RARB: variants seen among roughly 807,000 people sequenced by gnomAD.
RARB encodes HBV-activated protein.
RARB carries 17 observed loss-of-function variants against 51.9 expected under a neutral mutation model. The ratio of observed to expected loss-of-function variants is 0.33; its 90% CI spans 0.22 to 0.49. RARB has a LOEUF of 0.49. Among genes scored for constraint, RARB ranks in the 20% least tolerant of loss-of-function variants. The pLI, the probability that RARB is intolerant of heterozygous loss-of-function variation, is 0.99. For missense variants in RARB, 369 were observed against 550.8 expected, an observed-to-expected ratio of 0.67 and a Z score of 3.30; for synonymous variants, 215 against 195.4, an observed-to-expected ratio of 1.10 and a Z score of -0.84.
At chr3:25,105,171 T>G (rs1334642623) in intron 3 of RARB, among the ~76,000 whole-genome samples, 1 of 152,108 alleles carries the variant, frequency 6.6e-6, no homozygotes, top group Admixed American at 6.5e-5. Context: ...CAGTTTTTAC[T>G]TTTGCTCCCC....
At chr3:25,043,672 A>C (rs142773970) in intron 2 of RARB, among the ~76,000 whole-genome samples, 11 of 152,332 alleles carry the variant, frequency 7.2e-5, no homozygotes, top group African/African-American at 2.6e-4. Context: ...AATTATATCA[A>C]GATGATTTTT....
intron 4 of RARB, among the ~76,000 whole-genome samples, chr3:25,137,742 C>T (rs925085479): frequency 1.3e-5 from 2 of 152,020 alleles, no homozygotes; most frequent in Non-Finnish European, 2.9e-5. Flanking sequence ...GATGAGAAGC[C>T]ATATACTTAC....
At chr3:25,194,168 C>T (rs1470763461) in intron 5 of RARB, among the ~76,000 whole-genome samples, 1 of 151,746 alleles carries the variant, frequency 6.6e-6, no homozygotes, top group Non-Finnish European at 1.5e-5. Context: ...AAAAATACTT[C>T]ACAGTCTCAT....
intron 3 of RARB, among the ~76,000 whole-genome samples, chr3:25,077,019 G>C (rs559675774): frequency 1.8e-4 from 28 of 152,316 alleles, no homozygotes; most frequent in African/African-American, 6.3e-4. Context: ...TGGAAAAGGA[G>C]CAACTTCTGT....
chr3:24,908,563 G>T (rs547275468), intron 2 of RARB, among the ~76,000 whole-genome samples: 2 of 150,938 alleles, frequency 1.3e-5, no homozygotes, highest in South Asian at 4.2e-4. Context: ...CTTTCTTGAA[G>T]AGCAGAAATG....
In RARB at chr3:25,461,256, C is replaced by G. The variant is rs1695165703; in HGVS notation, c.221C>G (p.Pro74Arg). ...CCAAGCCCCCCATCTCCACTTCCTC[C>G]CCCTCGAGTGTACAAACCCTGCTTC... ...LVPSPPSPLPPPRVYKPCFVC... is the reference protein window; with the variant it reads ...LVPSPPSPLPRPRVYKPCFVC... The change falls in exon 2 of 8, where the codon CCC becomes CGC. Residue 74 changes from proline (P) to arginine (R), a missense_variant. Physicochemically the swap from Pro to Arg is moderately radical, Grantham distance 103. Transcript: ENST00000330688. The G allele has an allele frequency of 6.2e-7, 1 of 1,614,078 alleles. No homozygotes were observed. The highest frequency in any genetic ancestry group is 8.5e-7 in the Non-Finnish European group (1 of 1,179,998).
chr3:25,287,595 T>G (rs1052604408), intron 5 of RARB, among the ~76,000 whole-genome samples: 11 of 152,292 alleles, frequency 7.2e-5, no homozygotes, highest in Admixed American at 2.6e-4. Flanking sequence ...CTTCTCCAGC[T>G]TCAAGAGTCA....
At chr3:25,478,602 C>T (rs993286849) in intron 2 of RARB, among the ~76,000 whole-genome samples, 2 of 152,208 alleles carry the variant, frequency 1.3e-5, no homozygotes, top group Non-Finnish European at 2.9e-5. Flanking sequence ...CTTTAAGCTG[C>T]TGTGAGTGCG....
At chr3:24,915,806 G>C (rs986036586) in intron 2 of RARB, among the ~76,000 whole-genome samples, 2 of 152,084 alleles carry the variant, frequency 1.3e-5, no homozygotes, top group Non-Finnish European at 2.9e-5. Context: ...TACAAATGTA[G>C]GTGACCATTA....
At chr3:25,062,251 A>G (rs1315783766) in intron 3 of RARB, among the ~76,000 whole-genome samples, 1 of 151,928 alleles carries the variant, frequency 6.6e-6, no homozygotes, top group East Asian at 1.9e-4. Context: ...GTTCAAGCAT[A>G]CTAATATTTA....
intron 2 of RARB, among the ~76,000 whole-genome samples, chr3:24,866,608 C>T (rs1702852805): frequency 6.6e-6 from 1 of 152,038 alleles, no homozygotes; most frequent in African/African-American, 2.4e-5. Context: ...CCTCCCTCAC[C>T]GGCCGAGGGG....
intron 2 of RARB, among the ~76,000 whole-genome samples, chr3:24,913,661 T>C (rs1695048484): frequency 6.6e-6 from 1 of 152,162 alleles, no homozygotes; most frequent in African/African-American, 2.4e-5. Context: ...AGTTACATCT[T>C]AATGTGAAAT....
intron 5 of RARB, among the ~76,000 whole-genome samples, chr3:25,336,869 G>A (rs1282512588): frequency 6.6e-6 from 1 of 152,184 alleles, no homozygotes; most frequent in Non-Finnish European, 1.5e-5. Flanking sequence ...GAGACCCAGA[G>A]TGTCCTGCTG....
At chr3:24,987,253 T>C (rs1696814288) in intron 2 of RARB, among the ~76,000 whole-genome samples, 1 of 152,228 alleles carries the variant, frequency 6.6e-6, no homozygotes, top group Admixed American at 6.5e-5. Flanking sequence ...ATCTGTTTTT[T>C]TTTTATTCCT....
chr3:24,886,674 G>C lies in RARB; in HGVS notation c.-380+27922G>C, dbSNP rs115233988. On this transcript the variant is annotated intron_variant, in intron 2 of 11. Transcript: ENST00000383772. ...TCAGGCTGGTCTTCAACTCCTGAGA[G>C]TGAGTGATTTGCCTGCCTCCCAAAG... Among the ~76,000 whole-genome samples the C allele has an allele frequency of 3.2e-3, 491 of 152,156 alleles. 2 individuals are homozygous for C. The highest frequency in any genetic ancestry group is 0.011 in the African/African-American group (453 of 41,498).
intron 2 of RARB, among the ~76,000 whole-genome samples, chr3:24,950,178 C>T (rs1695858695): frequency 6.6e-6 from 1 of 152,130 alleles, no homozygotes; most frequent in South Asian, 2.1e-4. Flanking sequence ...GTGTTTTCTT[C>T]GGAATTAATA....
At chr3:25,575,613 T>A (rs1700894319) in intron 4 of RARB, among the ~76,000 whole-genome samples, 1 of 152,164 alleles carries the variant, frequency 6.6e-6, no homozygotes, top group Non-Finnish European at 1.5e-5. Flanking sequence ...CTTCTCATGG[T>A]CATCTTCTCC....
chr3:24,985,256 G>A (rs1048903452), intron 2 of RARB, among the ~76,000 whole-genome samples: 2 of 151,960 alleles, frequency 1.3e-5, no homozygotes, highest in African/African-American at 4.8e-5. Flanking sequence ...ATGGGGCATT[G>A]AGATTGCACG....
chr3:25,117,367 G>A (rs79141910), intron 3 of RARB, among the ~76,000 whole-genome samples: 4,549 of 152,254 alleles, frequency 0.03, 194 homozygotes, highest in African/African-American at 0.097. Flanking sequence ...CATGGCACAA[G>A]AGGTTTCTAG....
Sources: allele counts gnomAD v4.1 joint callset (sites outside exome capture counted in the v4.1 genomes callset), GRCh38; gene constraint gnomAD v4.1.1; transcripts MANE v1.5; gene names NCBI Gene and HGNC (gene_info 2026-07-23, HGNC 2026-07-21).